The following PPP1R12A variants were observed in gnomAD, a reference collection of about 807,000 sequenced individuals.
PPP1R12A encodes protein phosphatase 1 regulatory subunit 12A, also known as myosin binding subunit.
A neutral mutation model predicts 139.6 loss-of-function variants in PPP1R12A; 19 were observed. The ratio of observed to expected loss-of-function variants is 0.14; its 90% CI spans 0.09 to 0.20. PPP1R12A has a LOEUF of 0.20. PPP1R12A is among the 10% of genes least tolerant of loss of function. The pLI is 1.00. For missense variants in PPP1R12A, 925 were observed against 1,211.5 expected (o/e 0.76, Z 3.51); for synonymous variants, 427 against 420.6 (o/e 1.02, Z -0.19).
intron 2 of PPP1R12A, among the ~76,000 whole-genome samples, chr12:79,870,362 C>T (rs1241767114): frequency 3.3e-5 from 5 of 152,068 alleles, no homozygotes; most frequent in Non-Finnish European, 5.9e-5. Context: ...GCAAGGCCTC[C>T]CAAACTGCTG....
intron 1 of PPP1R12A, among the ~76,000 whole-genome samples, chr12:79,897,279 T>A (rs963921999): frequency 2.6e-5 from 4 of 152,174 alleles, no homozygotes; most frequent in Non-Finnish European, 4.4e-5. Flanking sequence ...ATTATCCTAA[T>A]TGAATTAATG....
chr12:79,824,399 A>G (rs1251993249), intron 5 of PPP1R12A, among the ~76,000 whole-genome samples: 4 of 152,190 alleles, frequency 2.6e-5, no homozygotes, highest in African/African-American at 9.6e-5. Context: ...TTGAACTGTA[A>G]TTAAATTTTT....
intron 1 of PPP1R12A, among the ~76,000 whole-genome samples, chr12:79,879,061 T>TA (rs1883382075): frequency 3.3e-5 from 5 of 152,128 alleles, no homozygotes; most frequent in Admixed American, 2.6e-4. Context: ...CTTTCTTACA[T>TA]AAAAAGCATT....
At chr12:79,818,074 T>A (rs1021047400) in intron 8 of PPP1R12A, among the ~76,000 whole-genome samples, 1 of 152,186 alleles carries the variant, frequency 6.6e-6, no homozygotes, top group Non-Finnish European at 1.5e-5. Context: ...TGGAAAATAA[T>A]CCACCTAACT....
intron 4 of PPP1R12A, among the ~76,000 whole-genome samples, chr12:79,829,493 G>C (rs2656024): frequency 0.94 from 142,704 of 152,092 alleles, 67,251 homozygotes; most frequent in African/African-American, 0.99. Context: ...AAAATAGATT[G>C]CCCAGCTCAC....
chr12:79,817,575 TG>T, intron 8 of PPP1R12A, 57 bp from the exon 9 acceptor site: 1 of 1,448,236 alleles, frequency 6.9e-7, no homozygotes, highest in Non-Finnish European at 9.3e-7. Flanking sequence ...TCTCAATGGC[TG>T]GGAAAAAATC....
intron 2 of PPP1R12A, among the ~76,000 whole-genome samples, chr12:79,846,864 G>A (rs552458904): frequency 6.1e-4 from 92 of 151,670 alleles, no homozygotes; most frequent in Non-Finnish European, 1.1e-3. Context: ...CACACTTTAG[G>A]CACCAACAAT....
chr12:79,868,120 G>C (rs1020605421), intron 2 of PPP1R12A, among the ~76,000 whole-genome samples: 2 of 152,188 alleles, frequency 1.3e-5, no homozygotes, highest in Non-Finnish European at 2.9e-5. Context: ...TGTTACCATT[G>C]TATAGTTCCT....
chr12:79,781,216 A>C (rs1353147588), intron 23 of PPP1R12A, among the ~76,000 whole-genome samples: 1 of 152,206 alleles, frequency 6.6e-6, no homozygotes, highest in South Asian at 2.1e-4. Flanking sequence ...CAATAAGTGA[A>C]GAGAAATACA....
chr12:79,862,392 A>C (rs1881439825), intron 2 of PPP1R12A, among the ~76,000 whole-genome samples: 1 of 152,170 alleles, frequency 6.6e-6, no homozygotes, highest in African/African-American at 2.4e-5. Flanking sequence ...AAATTCTAAA[A>C]ACCAGAGCAC....
chr12:79,875,513 T>A (rs1364312505), intron 1 of PPP1R12A, among the ~76,000 whole-genome samples: 1 of 152,216 alleles, frequency 6.6e-6, no homozygotes, highest in Non-Finnish European at 1.5e-5. Context: ...CTATTTCCTA[T>A]CTATGATAAA....
chr12:79,810,223 T>C (rs2137071393), intron 9 of PPP1R12A, among the ~76,000 whole-genome samples: 1 of 152,304 alleles, frequency 6.6e-6, no homozygotes, highest in South Asian at 2.1e-4. Flanking sequence ...GGGGTTAGAC[T>C]TAAGAAAACA....
At chr12:79,899,201 A>T (rs2137461789) in intron 1 of PPP1R12A, among the ~76,000 whole-genome samples, 1 of 150,506 alleles carries the variant, frequency 6.6e-6, no homozygotes, top group East Asian at 2.0e-4. Context: ...TTGATGCAAA[A>T]TTTAGATACA....
rs1464326842 is a variant in PPP1R12A at position 79,805,683 on chromosome 12, T to A, written c.1909A>T (p.Thr637Ser). The A allele has an allele frequency of 3.7e-6, 6 of 1,613,590 alleles. No homozygotes were observed. The highest frequency in any genetic ancestry group is 5.1e-6 in the Non-Finnish European group (6 of 1,179,746). ...GTAGAAGCTGCAGCATTTACAACAG[T>A]TGGAGCAACAGGAATGGTCACTGCC... ...PTAVTIPVAP[T>S]VVNAAASTTT... The change falls in exon 14 of 25, where the codon ACT becomes TCT. Residue 637 changes from threonine to serine, a missense_variant. This residue lies in a region of PPP1R12A where 403 missense variants were observed against 463.7 expected (regional missense o/e 0.87). Transcript: ENST00000450142.
Position 79,935,085 on chromosome 12 carries a change from C to G in PPP1R12A, c.-154G>C, listed in dbSNP as rs1888566561. On this transcript the variant is annotated 5_prime_UTR_variant, in exon 1 of 25. Transcript: ENST00000450142. ...AGCCGACGCTCGAGACTTCCAGTAT[C>G]CCACAGAGCACTGGGGCGGCGCACC... 1 of 1,396,300 alleles carries G rather than the reference C, an allele frequency of 7.2e-7. No homozygotes were observed. The highest frequency in any genetic ancestry group is 3.2e-5 in the Admixed American group (1 of 30,820). The allele number at this position is 1,396,300 out of a possible 1,614,324, so 86.5% of individuals were successfully genotyped here. A position where few individuals can be genotyped will look rare whatever the true frequency, so the allele number is the denominator to read the frequency against.
chr12:79,849,455 G>T (rs1289223546), intron 2 of PPP1R12A, among the ~76,000 whole-genome samples: 2 of 152,108 alleles, frequency 1.3e-5, no homozygotes. Flanking sequence ...AGGCTATCTG[G>T]AATATGAAAA....
intron 1 of PPP1R12A, among the ~76,000 whole-genome samples, chr12:79,906,146 T>A (rs540190982): frequency 1.3e-4 from 20 of 152,164 alleles, no homozygotes; most frequent in African/African-American, 4.8e-4. Flanking sequence ...AATGAATGAA[T>A]GAGTGAACTG....
chr12:79,893,578 G>A (rs556387482), intron 1 of PPP1R12A, among the ~76,000 whole-genome samples: 4 of 152,244 alleles, frequency 2.6e-5, no homozygotes, highest in South Asian at 4.1e-4. Flanking sequence ...AGTAGGACTA[G>A]GAAATAGTTT....
At chr12:79,890,916 C>CACACAT (rs1187249654) in intron 1 of PPP1R12A, among the ~76,000 whole-genome samples, 1 of 148,060 alleles carries the variant, frequency 6.8e-6, no homozygotes, top group Non-Finnish European at 1.5e-5. Flanking sequence ...CACACACACA[C>CACACAT]ACACACACAC....
Sources: allele counts gnomAD v4.1 joint callset (sites outside exome capture counted in the v4.1 genomes callset), GRCh38; gene constraint gnomAD v4.1.1; regional missense constraint gnomAD v4.1.1; transcripts MANE v1.5; gene names NCBI Gene and HGNC (gene_info 2026-07-23, HGNC 2026-07-21).